The following ASPM variants were observed in gnomAD, a reference collection of about 807,000 sequenced individuals.
The protein encoded by ASPM is assembly factor for spindle microtubules.
ASPM carries 256 observed loss-of-function variants against 366.4 expected under a neutral mutation model. The observed-to-expected ratio is 0.70, with a 90% CI of 0.63 to 0.77. The LOEUF (loss-of-function observed/expected upper bound fraction) is 0.77. Among genes scored for constraint, ASPM ranks in the 30% least tolerant of loss-of-function variants. The pLI, the probability that ASPM is intolerant of heterozygous loss-of-function variation, is 0.00. For synonymous variants in ASPM, 1,414 were observed against 1,342.9 expected (o/e 1.05, Z -1.16); for missense variants, 4,146 against 4,090.4 (o/e 1.01, Z -0.37).
In ASPM at chr1:197,096,177, T is replaced by G; in HGVS notation, c.8821-13A>C. The stretch of plus-strand genomic sequence containing the variant: ...TCCTCCACATAGCCTATTAAATACA[T>G]AAATATAACAAGTATGCAATGAGTT... On this transcript the variant is annotated splice_polypyrimidine_tract_variant and intron_variant, in intron 18 of 27. Transcript: ENST00000367409. 1 of 1,572,420 alleles carries G rather than the reference T, an allele frequency of 6.4e-7. No individual in the cohort carries two copies. Among genetic ancestry groups the G allele is most frequent in the Non-Finnish European group, 8.7e-7 (1 of 1,145,894 alleles).
chr1:197,111,536 A>G (rs747861508), intron 17 of ASPM, among the ~76,000 whole-genome samples: 4 of 152,188 alleles, frequency 2.6e-5, no homozygotes, highest in Non-Finnish European at 5.9e-5. Flanking sequence ...CAAAGAACTT[A>G]AAACAGAACT....
At position 197,092,107 on chromosome 1, in the gene ASPM, C is replaced by T. The variant is rs923049525; in HGVS notation, c.9295-51G>A. 3 of 1,584,758 alleles carry T rather than the reference C, an allele frequency of 1.9e-6. No homozygotes were observed. In the African/African-American group the frequency reaches 4.0e-5, roughly 21 times the overall value. ...TCAAGTATCTGCCTCCTAAGTTAAT[C>T]AATGAGTGTTTTTTTTTGTATAACC... On this transcript the variant is annotated intron_variant, in intron 21 of 27. Transcript: ENST00000367409.
chr1:197,133,262 T>G (rs1175000057), intron 6 of ASPM, 88 bp downstream of exon 6: 18 of 1,400,752 alleles, frequency 1.3e-5, no homozygotes, highest in Non-Finnish European at 1.6e-5. Flanking sequence ...ACCTGTCAAT[T>G]ATATGTCAAT....
At position 197,092,045 on chromosome 1, in the gene ASPM, C is replaced by A; in HGVS notation, c.9306G>T (p.Gln3102His). 6.2e-7 allele frequency: 1 copy of A among 1,611,554 alleles called. No homozygotes were observed. The highest frequency in any genetic ancestry group is 1.3e-5 in the African/African-American group (1 of 74,896). ...GWLVRKRFLE[Q>H]RAKIRLLHFT... ...AGTGAAGAAGTCGAATTTTGGCTCT[C>A]TGTTCTAAAAACTAAAGGTGAAAAA... The change falls in exon 22 of 28, where the codon CAG becomes CAT. Residue 3102 changes from glutamine (Q) to histidine (H), a missense_variant. Coordinates refer to ENST00000367409, the MANE Select transcript of ASPM (RefSeq NM_018136.5).
In ASPM at chr1:197,124,942, T is replaced by C. The variant is rs777441329; in HGVS notation, c.3096A>G (p.Leu1032=). Reference sequence around the variant, plus strand: ...TGTGCCTATCCACAATATCCTTAGATAGAATTGTATTTCCTATAAAAGAAA... The same window carrying C: ...TGTGCCTATCCACAATATCCTTAGACAGAATTGTATTTCCTATAAAAGAAA... The part of the protein sequence containing the change: ...ELSDEHGNTI[L]SKDIVDRHRE... The change falls in exon 12 of 28, where the codon CTA becomes CTG. Residue 1032 remains leucine, a synonymous_variant. Transcript: ENST00000367409. The C allele has an allele frequency of 2.5e-6, 4 of 1,611,502 alleles. No individual in the cohort carries two copies. The African/African-American group carries it at 4.0e-5, about 16-fold the overall frequency.
At chr1:197,108,971 CAAAAAAAAA>C (rs564818123) in intron 17 of ASPM, among the ~76,000 whole-genome samples, 1 of 69,744 alleles carries the variant, frequency 1.4e-5, no homozygotes, top group South Asian at 4.9e-4. Context: ...ACCCTGTCTC[CAAAAAAAAA>C]AAAAAAAAAA....
intron 17 of ASPM, among the ~76,000 whole-genome samples, chr1:197,112,855 A>T (rs1197503908): frequency 6.6e-6 from 1 of 152,122 alleles, no homozygotes; most frequent in Non-Finnish European, 1.5e-5. Flanking sequence ...AGACTTCCTG[A>T]TGCAGTGTAA....
rs1027210183 is a variant in ASPM, at chr1:197,088,388, T to C, written c.10029A>G (p.Ile3343Met). The change falls in exon 26 of 28, where the codon ATA becomes ATG. Residue 3343 changes from isoleucine (I) to methionine (M), a missense_variant. Transcript: ENST00000367409. The stretch of plus-strand genomic sequence containing the variant: ...TCTGCAAAAGCTCCAATAGTATATC[T>C]ATACAATTTTCTACATCATAAACTG... Reference protein sequence around the residue: ...TSAVYDVENCIDILLELLQIY... With the variant: ...TSAVYDVENCMDILLELLQIY... 1 of 1,610,196 alleles carries C rather than the reference T, an allele frequency of 6.2e-7. No homozygotes were observed. The highest frequency in any genetic ancestry group is 8.5e-7 in the Non-Finnish European group (1 of 1,177,142).
rs1257499021 is a variant in ASPM at position 197,105,179 on chromosome 1, A to C, written c.4072T>G (p.Trp1358Gly). 1.2e-6 allele frequency: 2 copies of C among 1,602,836 alleles called. No homozygotes were observed. The highest frequency in any genetic ancestry group is 1.1e-5 in the South Asian group (1 of 90,730). Reference sequence around the variant, plus strand: ...CTTTGTCTAGTGGAATATCTTCTCCAATATCCCTGGAAAAGGTAAGAAAGG... The same window carrying C: ...CTTTGTCTAGTGGAATATCTTCTCCCATATCCCTGGAAAAGGTAAGAAAGG... ...NKAASLIQGY[W>G]RRYSTRQRFL... Residue 1358 changes from tryptophan (W) to glycine (G), a missense_variant, in exon 18 of 28, where the codon TGG (tryptophan) becomes GGG (glycine). This residue lies in a region of ASPM where 3,624 missense variants were observed against 3,591.7 expected (regional missense o/e 1.01). Coordinates refer to ENST00000367409, the MANE Select transcript of ASPM (RefSeq NM_018136.5).
chr1:197,135,927 T>C (rs1275473697), intron 4 of ASPM, among the ~76,000 whole-genome samples: 1 of 152,116 alleles, frequency 6.6e-6, no homozygotes, highest in Non-Finnish European at 1.5e-5. Flanking sequence ...CACTCCAGCC[T>C]GGGCAACAGA....
chr1:197,118,658 A>C (rs1657812662), intron 16 of ASPM, among the ~76,000 whole-genome samples: 1 of 152,124 alleles, frequency 6.6e-6, no homozygotes, highest in Admixed American at 6.6e-5. Context: ...CACCATTCTG[A>C]ACACTTCATG....
At position 197,088,361 on chromosome 1, in the gene ASPM, T is replaced by TCC. The variant is rs754767041; in HGVS notation, c.10055_10056insGG (p.Ile3352MetfsTer30). On this transcript the variant is annotated frameshift_variant, in exon 26 of 28. Transcript: ENST00000367409. LOFTEE classifies it high-confidence loss of function. ...CTTTATTACCAGGCTTTTCTCGGTA[T>TCC]ATCTGCAAAAGCTCCAATAGTATAT... is the stretch of plus-strand genomic sequence containing the variant. 1.2e-5 allele frequency: 20 copies of TCC among 1,612,720 alleles called. No individual in the cohort carries two copies. The highest frequency in any genetic ancestry group is 1.6e-5 in the Non-Finnish European group (19 of 1,179,046).
At position 197,103,471 on chromosome 1, in the gene ASPM, A is replaced by T. The variant is rs1301232365; in HGVS notation, c.5780T>A (p.Ile1927Asn). 6.2e-7 allele frequency: 1 copy of T among 1,613,148 alleles called. No individual in the cohort carries two copies. The highest frequency in any genetic ancestry group is 8.5e-7 in the Non-Finnish European group (1 of 1,179,544). ...AGTCCATGCTCTGAAATTTTGCTGGATGACTAATGCTGCTGTTTTAAACAA... is the reference window on the plus strand; with the variant it reads ...AGTCCATGCTCTGAAATTTTGCTGGTTGACTAATGCTGCTGTTTTAAACAA... ...FRLFKTAALV[I>N]QQNFRAWTAG... Residue 1927 changes from isoleucine (I) to asparagine (N), a missense_variant, in exon 18 of 28, where the codon ATC (isoleucine) becomes AAC (asparagine). By Grantham distance (149) the Ile-to-Asn change is moderately radical. This residue lies in a region of ASPM where 3,624 missense variants were observed against 3,591.7 expected (regional missense o/e 1.01). Transcript: ENST00000367409.
intron 9 of ASPM, 46 bp downstream of exon 9, chr1:197,129,141 C>T (rs756274946): frequency 1.8e-5 from 28 of 1,586,802 alleles, no homozygotes; most frequent in Non-Finnish European, 1.9e-5. Flanking sequence ...AAGCAAAAGT[C>T]GTAAATGGGA....
At chr1:197,119,089 A>G (rs1449132776) in intron 16 of ASPM, among the ~76,000 whole-genome samples, 2 of 152,206 alleles carry the variant, frequency 1.3e-5, no homozygotes, top group African/African-American at 4.8e-5. Flanking sequence ...CTATGGAAAT[A>G]ATCAAACTGT....
chr1:197,133,807 T>C (rs964198839), intron 5 of ASPM, among the ~76,000 whole-genome samples: 1 of 152,166 alleles, frequency 6.6e-6, no homozygotes, highest in Admixed American at 6.5e-5. Flanking sequence ...GCCTCTACTA[T>C]CACAAATTCA....
Position 197,101,813 on chromosome 1 carries a change from T to G in ASPM, c.7438A>C (p.Met2480Leu), listed in dbSNP as rs770538976. ...RLMVKKKLQEMQRAAVLIQAT... is the reference protein window; with the variant it reads ...RLMVKKKLQELQRAAVLIQAT... ...TGAATGAGAACTGCAGCCCTTTGCA[T>G]TTCTTGTAACTTCTTCTTTACCATC... is the stretch of plus-strand genomic sequence containing the variant. Residue 2480 changes from methionine to leucine, a missense_variant, in exon 18 of 28, where the codon ATG becomes CTG. Met to Leu is a conservative substitution (Grantham distance 15). Around this residue, in one of 3 missense-constraint regions of ASPM, gnomAD observed 3,624 missense variants for 3,591.7 expected, o/e 1.01. Transcript: ENST00000367409. 1 of 1,612,886 alleles carries G rather than the reference T, an allele frequency of 6.2e-7. No individual in the cohort carries two copies. The highest frequency in any genetic ancestry group is 1.1e-5 in the South Asian group (1 of 91,064).
rs1557948352 is a variant in ASPM at position 197,104,915 on chromosome 1, T to C, written c.4336A>G (p.Thr1446Ala). Residue 1446 changes from threonine (T) to alanine (A), a missense_variant, in exon 18 of 28, where the codon ACA (threonine) becomes GCA (alanine). Coordinates refer to ENST00000367409, the MANE Select transcript of ASPM (RefSeq NM_018136.5). ...CTAAAAGCTCTTTGCAATATTACTG[T>C]AGCTTTTACTTGTGATTGCATTTTA... ...QRKMQSQVKA[T>A]VILQRAFREW... 2.5e-6 allele frequency: 4 copies of C among 1,612,118 alleles called. No homozygotes were observed. Among genetic ancestry groups the C allele is most frequent in the Admixed American group, 1.7e-5 (1 of 59,734 alleles).
chr1:197,141,702 T>A (rs781775904), intron 3 of ASPM, among the ~76,000 whole-genome samples: 19 of 152,146 alleles, frequency 1.2e-4, no homozygotes, highest in Non-Finnish European at 2.4e-4. Context: ...AAGCATAGCA[T>A]AATCACAGGA....
Sources: gnomAD v4.1 joint callset for allele counts (sites outside exome capture counted in the v4.1 genomes callset) on GRCh38, gnomAD v4.1.1 for gene constraint, gnomAD v4.1.1 regional missense constraint, MANE v1.5 for transcripts, NCBI Gene and HGNC (gene_info 2026-07-23, HGNC 2026-07-21) for gene names.